Variants in RSU1 observed in about 807,000 individuals in gnomAD.
RSU1 encodes the protein Ras suppressor protein 1, also known as rsu-1.
In RSU1, 26 loss-of-function variants were observed where a neutral mutation model predicts 31.1. The observed-to-expected ratio is 0.84, with a 90% CI of 0.61 to 1.16. RSU1 has a LOEUF of 1.16. RSU1 is among the 50% of genes most tolerant of loss of function. The pLI is 0.00. For missense variants in RSU1, 320 were observed against 339.1 expected, an observed-to-expected ratio of 0.94 and a Z score of 0.44; for synonymous variants, 164 against 136.3, an observed-to-expected ratio of 1.20 and a Z score of -1.41.
intron 2 of RSU1, among the ~76,000 whole-genome samples, chr10:16,805,745 C>T (rs905083997): frequency 2.0e-5 from 3 of 149,818 alleles, no homozygotes; most frequent in Admixed American, 6.7e-5. Context: ...CTGTTTTTAG[C>T]AATACTGGCA....
chr10:16,615,899 C>T (rs993189109), intron 8 of RSU1, among the ~76,000 whole-genome samples: 3 of 152,128 alleles, frequency 2.0e-5, no homozygotes, highest in African/African-American at 7.2e-5. Context: ...ATTTATAGCA[C>T]TAAATGCCCA....
chr10:16,759,802 G>C (rs1016624619), intron 4 of RSU1, among the ~76,000 whole-genome samples: 1 of 152,160 alleles, frequency 6.6e-6, no homozygotes, highest in African/African-American at 2.4e-5. Context: ...TATTCAGGTG[G>C]CCTAAAATTC....
intron 3 of RSU1, among the ~76,000 whole-genome samples, chr10:16,772,496 G>A (rs1837440430): frequency 1.3e-5 from 2 of 152,068 alleles, no homozygotes; most frequent in African/African-American, 4.8e-5. Flanking sequence ...TGGGGAGCTG[G>A]GAGGGAGAGG....
chr10:16,645,675 C>T (rs371197012), intron 8 of RSU1, among the ~76,000 whole-genome samples: 7 of 150,988 alleles, frequency 4.6e-5, no homozygotes, highest in South Asian at 2.1e-4. Context: ...AGGCGTGTGG[C>T]GCACACCTGT....
At chr10:16,655,625 G>C (rs1426339605) in intron 8 of RSU1, among the ~76,000 whole-genome samples, 1 of 151,966 alleles carries the variant, frequency 6.6e-6, no homozygotes, top group Admixed American at 6.6e-5. Flanking sequence ...TGCATTTAAA[G>C]CATATGCCTA....
At chr10:16,814,118 C>G (rs1382266416) in intron 2 of RSU1, among the ~76,000 whole-genome samples, 1 of 152,096 alleles carries the variant, frequency 6.6e-6, no homozygotes, top group African/African-American at 2.4e-5. Flanking sequence ...TATAAAACTT[C>G]CTGGTTACAG....
At chr10:16,669,348 T>C (rs932618662) in intron 8 of RSU1, among the ~76,000 whole-genome samples, 2 of 151,066 alleles carry the variant, frequency 1.3e-5, no homozygotes, top group Admixed American at 1.3e-4. Context: ...ATTGTCTTCT[T>C]GAAATTAACA....
At chr10:16,777,486 G>T (rs1029059012) in intron 3 of RSU1, among the ~76,000 whole-genome samples, 10 of 152,124 alleles carry the variant, frequency 6.6e-5, no homozygotes, top group Non-Finnish European at 1.5e-4. Context: ...GGTAAAAACT[G>T]CACTGTGTAA....
intron 2 of RSU1, among the ~76,000 whole-genome samples, chr10:16,798,700 T>A (rs746345935): frequency 3.3e-5 from 5 of 152,188 alleles, no homozygotes; most frequent in Admixed American, 6.5e-5. Flanking sequence ...CTAATACAAT[T>A]TTCAAACTTT....
rs58889996 is a variant in RSU1, at chr10:16,813,429, G to T, written c.109+3544C>A. 8.4e-3 allele frequency among the ~76,000 whole-genome samples: 1,278 copies of T among 152,286 alleles called. 18 individuals are homozygous for T. Among genetic ancestry groups the T allele is most frequent in the African/African-American group, 0.029 (1,187 of 41,544 alleles). On this transcript the variant is annotated intron_variant, in intron 2 of 8. Coordinates refer to ENST00000345264, the MANE Select transcript of RSU1 (RefSeq NM_012425.4). ...TTGGTTCAGGCTACTGACTATGTTG[G>T]AACTGGGTATGTCTGAGACATATGG...
chr10:16,774,540 A>C (rs1221172308), intron 3 of RSU1, among the ~76,000 whole-genome samples: 1 of 152,214 alleles, frequency 6.6e-6, no homozygotes. Flanking sequence ...ACCGCATTCC[A>C]ACCTGGGTGA....
At chr10:16,731,426 T>C (rs1450023573) in intron 7 of RSU1, among the ~76,000 whole-genome samples, 1 of 135,580 alleles carries the variant, frequency 7.4e-6, no homozygotes, top group East Asian at 2.1e-4. Flanking sequence ...CGACACTCCG[T>C]CTCAAAAAAA....
chr10:16,743,959 A>G (rs558212754), intron 7 of RSU1, among the ~76,000 whole-genome samples: 1 of 151,918 alleles, frequency 6.6e-6, no homozygotes, highest in East Asian at 1.9e-4. Flanking sequence ...AGGGAGACTC[A>G]ATCTCTAAAA....
At chr10:16,754,672 T>G (rs1837047540) in intron 5 of RSU1, among the ~76,000 whole-genome samples, 199 bp downstream of exon 5, 1 of 152,098 alleles carries the variant, frequency 6.6e-6, no homozygotes, top group Admixed American at 6.6e-5. Flanking sequence ...TAAGTCCACT[T>G]CAGCCCAATG....
intron 8 of RSU1, among the ~76,000 whole-genome samples, chr10:16,620,656 TA>T (rs1834053653): frequency 1.3e-5 from 2 of 151,716 alleles, no homozygotes; most frequent in Admixed American, 1.3e-4. Context: ...CCATCATGGC[TA>T]ACACGGTGAA....
intron 8 of RSU1, among the ~76,000 whole-genome samples, chr10:16,642,318 A>C (rs1266830884): frequency 1.3e-5 from 2 of 152,184 alleles, no homozygotes; most frequent in African/African-American, 4.8e-5. Flanking sequence ...AGCTGTAGAA[A>C]AACAACGTGC....
chr10:16,785,870 A>C (rs1837781774), intron 2 of RSU1, among the ~76,000 whole-genome samples: 1 of 152,082 alleles, frequency 6.6e-6, no homozygotes, highest in Non-Finnish European at 1.5e-5. Flanking sequence ...TAAATTTGGG[A>C]AAAGGAGGAC....
chr10:16,645,893 T>C lies in RSU1; in HGVS notation c.731+49130A>G, dbSNP rs1028997423. Among the ~76,000 whole-genome samples the C allele has an allele frequency of 2.2e-3, 143 of 66,422 alleles. 31 individuals are homozygous for C. Among genetic ancestry groups the C allele is most frequent in the Non-Finnish European group, 2.5e-3 (93 of 37,188 alleles). The allele number at this position is 66,422 out of a possible 152,430, so 43.6% of individuals were successfully genotyped here. On this transcript the variant is annotated intron_variant, in intron 8 of 8. Transcript: ENST00000345264. ...ATACATATATGTGTATATACATATA[T>C]GTATATACACATATATGTATATATA...
chr10:16,761,454 C>T (rs1345509771), intron 4 of RSU1, among the ~76,000 whole-genome samples: 1 of 152,150 alleles, frequency 6.6e-6, no homozygotes, highest in African/African-American at 2.4e-5. Context: ...GATTCCCTGT[C>T]TAGCCTGACC....
Sources: allele counts gnomAD v4.1 joint callset (sites outside exome capture counted in the v4.1 genomes callset), GRCh38; gene constraint gnomAD v4.1.1; transcripts MANE v1.5; gene names NCBI Gene and HGNC (gene_info 2026-07-23, HGNC 2026-07-21).